The following PRKG1 variants were observed in gnomAD, a reference collection of about 807,000 sequenced individuals.
PRKG1 encodes protein kinase cGMP-dependent 1.
In PRKG1, 35 loss-of-function variants were observed where a neutral mutation model predicts 88.1. The ratio of observed to expected loss-of-function variants is 0.40; its 90% CI spans 0.30 to 0.53. The LOEUF is 0.53. Among genes scored for constraint, PRKG1 ranks in the 20% least tolerant of loss-of-function variants. The probability of loss-of-function intolerance (pLI) is 0.59; values close to 1 mark genes in which losing one functional copy is unlikely to be tolerated. For missense variants in PRKG1, 540 were observed against 839.8 expected (o/e 0.64, Z 4.41); for synonymous variants, 303 against 292.5 (o/e 1.04, Z -0.37).
At chr10:51,614,920 T>G (rs996178153) in intron 3 of PRKG1, among the ~76,000 whole-genome samples, 1 of 151,654 alleles carries the variant, frequency 6.6e-6, no homozygotes, top group African/African-American at 2.4e-5. Context: ...CTCTTTCATC[T>G]TTGAATATAT....
chr10:52,204,537 A>G (rs1839765091), intron 9 of PRKG1, among the ~76,000 whole-genome samples: 1 of 152,134 alleles, frequency 6.6e-6, no homozygotes, highest in South Asian at 2.1e-4. Flanking sequence ...CCCCAAATTA[A>G]TACTTTTATA....
intron 5 of PRKG1, among the ~76,000 whole-genome samples, chr10:51,931,347 C>T (rs181773362): frequency 8.1e-4 from 123 of 152,252 alleles, no homozygotes; most frequent in African/African-American, 2.6e-3. Flanking sequence ...GGTGCAGTAG[C>T]TTATTTCCAT....
At chr10:51,061,687 G>C (rs985757707) in intron 1 of PRKG1, among the ~76,000 whole-genome samples, 4 of 151,870 alleles carry the variant, frequency 2.6e-5, no homozygotes, top group African/African-American at 9.7e-5. Context: ...ATTTAATGTA[G>C]CTACTTTATT....
intron 2 of PRKG1, among the ~76,000 whole-genome samples, chr10:51,212,549 AT>A (rs1838251716): frequency 6.6e-6 from 1 of 152,174 alleles, no homozygotes; most frequent in Non-Finnish European, 1.5e-5. Flanking sequence ...ATGGGAGAAA[AT>A]TTTTGCAACC....
intron 1 of PRKG1, among the ~76,000 whole-genome samples, chr10:51,122,850 A>T (rs759214554): frequency 1.3e-4 from 20 of 152,094 alleles, no homozygotes; most frequent in Non-Finnish European, 2.6e-4. Flanking sequence ...CTCTCACTAA[A>T]ACCAGGTATC....
At chr10:51,969,222 C>T (rs1469851251) in intron 5 of PRKG1, among the ~76,000 whole-genome samples, 1 of 152,116 alleles carries the variant, frequency 6.6e-6, no homozygotes, top group Admixed American at 6.6e-5. Context: ...AATGCAAAAC[C>T]AGGCTGAAGA....
At chr10:51,523,589 G>A (rs1419830995) in intron 3 of PRKG1, among the ~76,000 whole-genome samples, 1 of 152,100 alleles carries the variant, frequency 6.6e-6, no homozygotes, top group Non-Finnish European at 1.5e-5. Flanking sequence ...AAGGATCATG[G>A]TGACAATCTA....
chr10:51,600,006 G>A (rs925306998), intron 3 of PRKG1, among the ~76,000 whole-genome samples: 12 of 152,238 alleles, frequency 7.9e-5, no homozygotes, highest in African/African-American at 2.9e-4. Context: ...AAAATCACCA[G>A]AAGAAAGATA....
intron 2 of PRKG1, among the ~76,000 whole-genome samples, chr10:51,330,142 TTTATTTTTTATTTA>T (rs1841699609): frequency 7.7e-6 from 1 of 130,324 alleles, no homozygotes; most frequent in Admixed American, 7.8e-5. Context: ...TATTTATTTA[TTTATTTTTTATTTA>T]TTTTTTTTTT....
chr10:51,849,009 G>A (rs1049545619), intron 4 of PRKG1, among the ~76,000 whole-genome samples: 2 of 151,960 alleles, frequency 1.3e-5, no homozygotes, highest in African/African-American at 4.8e-5. Context: ...TCATAGTTTA[G>A]GTCCTGTATT....
At chr10:51,305,464 A>G (rs1841012498) in intron 2 of PRKG1, among the ~76,000 whole-genome samples, 1 of 152,216 alleles carries the variant, frequency 6.6e-6, no homozygotes, top group South Asian at 2.1e-4. Context: ...ACAAGAGACC[A>G]CTTTACTGGA....
At chr10:51,999,335 C>G (rs142858614) in intron 5 of PRKG1, among the ~76,000 whole-genome samples, 1 of 152,172 alleles carries the variant, frequency 6.6e-6, no homozygotes, top group Admixed American at 6.5e-5. Flanking sequence ...TGTTAAGTGA[C>G]TCACTATTAG....
intron 4 of PRKG1, among the ~76,000 whole-genome samples, chr10:51,887,571 A>G (rs1249691507): frequency 2.0e-5 from 3 of 152,238 alleles, no homozygotes; most frequent in Admixed American, 6.5e-5. Flanking sequence ...CAAGCTCGCC[A>G]ACACTTACCT....
chr10:51,558,509 A>G lies in PRKG1; in HGVS notation c.592+90673A>G, dbSNP rs540710125. The stretch of plus-strand genomic sequence containing the variant: ...ATAGAAGTGTTCTTGCCGGGAAGAC[A>G]TGAATTCCTCGTTCTATACCTGTGA... On this transcript the variant is annotated intron_variant, in intron 3 of 17. Coordinates refer to ENST00000373980, the MANE Select transcript of PRKG1 (RefSeq NM_006258.4). Among the ~76,000 whole-genome samples the G allele has an allele frequency of 4.5e-4, 69 of 152,232 alleles. 4 individuals are homozygous for G. The highest frequency in any genetic ancestry group is 1.3e-4 in the Admixed American group (2 of 15,258).
intron 3 of PRKG1, among the ~76,000 whole-genome samples, chr10:51,635,285 CAA>C (rs141088007): frequency 0.48 from 52,342 of 108,504 alleles, 9,238 homozygotes; most frequent in African/African-American, 0.52. Flanking sequence ...ATTATTTTAG[CAA>C]AAAAAAAAAA....
intron 2 of PRKG1, 86 bp downstream of exon 2, chr10:51,153,416 G>A (rs1195871914): frequency 7.1e-6 from 9 of 1,274,060 alleles, no homozygotes; most frequent in African/African-American, 4.6e-5. Context: ...GCATTACATG[G>A]AAAATTCCAT....
chr10:51,333,752 A>G (rs1841798055), intron 2 of PRKG1, among the ~76,000 whole-genome samples: 1 of 152,224 alleles, frequency 6.6e-6, no homozygotes, highest in African/African-American at 2.4e-5. Flanking sequence ...ACTGACAGGT[A>G]TTAGAGATGC....
intron 4 of PRKG1, among the ~76,000 whole-genome samples, chr10:51,868,594 G>A (rs1297650833): frequency 1.3e-5 from 2 of 151,858 alleles, no homozygotes; most frequent in Non-Finnish European, 2.9e-5. Flanking sequence ...CTCTCTAAGA[G>A]GAAGATCTTC....
intron 1 of PRKG1, among the ~76,000 whole-genome samples, chr10:51,104,794 A>G (rs936539316): frequency 2.0e-5 from 3 of 151,716 alleles, no homozygotes; most frequent in East Asian, 1.9e-4. Context: ...CAATGACACA[A>G]TCTCGGCTTA....
Sources: gnomAD v4.1 joint callset for allele counts (sites outside exome capture counted in the v4.1 genomes callset) on GRCh38, gnomAD v4.1.1 for gene constraint, MANE v1.5 for transcripts, NCBI Gene and HGNC (gene_info 2026-07-23, HGNC 2026-07-21) for gene names.